FGF14: variants seen among roughly 807,000 people sequenced by gnomAD.
The protein encoded by FGF14 is fibroblast growth factor homologous factor 4.
FGF14 carries 5 observed loss-of-function variants against 25.5 expected under a neutral mutation model. The observed-to-expected ratio is 0.20, with a 90% CI of 0.10 to 0.41. The LOEUF (loss-of-function observed/expected upper bound fraction) is 0.41. Ranked by LOEUF, FGF14 falls within the 10% of genes least tolerant of loss-of-function variation. FGF14 has a pLI of 1.00. For synonymous variants in FGF14, 138 were observed against 118.3 expected (o/e 1.17, Z -1.08); for missense variants, 222 against 320.1 (o/e 0.69, Z 2.34).
At chr13:102,124,850 A>G (rs142055169) in intron 1 of FGF14, among the ~76,000 whole-genome samples, 2 of 152,274 alleles carry the variant, frequency 1.3e-5, no homozygotes, top group Non-Finnish European at 2.9e-5. Flanking sequence ...ACAAAAGCTT[A>G]TGATGGTATA....
chr13:101,818,308 C>T (rs955797265), intron 3 of FGF14, among the ~76,000 whole-genome samples: 3 of 152,172 alleles, frequency 2.0e-5, no homozygotes, highest in Non-Finnish European at 2.9e-5. Context: ...AAATCATTAT[C>T]AACCATACTA....
intron 1 of FGF14, among the ~76,000 whole-genome samples, chr13:102,261,671 A>G (rs1001815134): frequency 2.0e-5 from 3 of 152,210 alleles, no homozygotes; most frequent in Non-Finnish European, 4.4e-5. Flanking sequence ...AAAATACATC[A>G]CACATAAGGA....
chr13:102,050,302 C>T (rs192896721), intron 1 of FGF14, among the ~76,000 whole-genome samples: 2 of 152,182 alleles, frequency 1.3e-5, no homozygotes, highest in East Asian at 3.9e-4. Context: ...ATACATAAAA[C>T]CACCTTGGGG....
intron 1 of FGF14, among the ~76,000 whole-genome samples, chr13:102,055,251 T>C (rs2042379960): frequency 2.0e-5 from 3 of 152,236 alleles, no homozygotes; most frequent in Non-Finnish European, 2.9e-5. Flanking sequence ...TGAGGCTCTT[T>C]TGATTGTCTG....
chr13:102,136,599 A>G, intron 1 of FGF14, among the ~76,000 whole-genome samples: 1 of 151,758 alleles, frequency 6.6e-6, no homozygotes, highest in Non-Finnish European at 1.5e-5. Context: ...TAGTTCTTCT[A>G]GGATCAACAT....
intron 1 of FGF14, among the ~76,000 whole-genome samples, chr13:101,902,858 ATC>A (rs2031745542): frequency 6.6e-6 from 1 of 152,208 alleles, no homozygotes; most frequent in Admixed American, 6.5e-5. Flanking sequence ...TTTAATAAAA[ATC>A]TAATAGCTTT....
intron 1 of FGF14, among the ~76,000 whole-genome samples, chr13:102,161,652 GAAGAAGAAGAAGAAGAAGAAGAA>G (rs1566765274): frequency 5.3e-4 from 9 of 16,954 alleles, no homozygotes; most frequent in African/African-American, 1.3e-3. Flanking sequence ...AGAAGAAGAA[GAAGAAGAAGAAGAAGAAGAAGAA>G]GAAGAAGAAG....
At chr13:102,169,584 A>G (rs2048162849) in intron 1 of FGF14, among the ~76,000 whole-genome samples, 1 of 152,192 alleles carries the variant, frequency 6.6e-6, no homozygotes, top group South Asian at 2.1e-4. Context: ...AAATAATTCA[A>G]TTATTTAAAG....
At chr13:102,275,262 T>TCTCTCTCTCTCTCTCCCTCTC (rs1555391875) in intron 1 of FGF14, among the ~76,000 whole-genome samples, 1 of 68,916 alleles carries the variant, frequency 1.5e-5, no homozygotes. Context: ...CTCTCTCTCT[T>TCTCTCTCTCTCTCTCCCTCTC]TCTCTCTCTC....
chr13:101,800,184 T>G (rs892427538), intron 3 of FGF14, among the ~76,000 whole-genome samples: 1 of 152,144 alleles, frequency 6.6e-6, no homozygotes, highest in African/African-American at 2.4e-5. Context: ...GAAAATTTAT[T>G]TCACTTTCCT....
intron 1 of FGF14, among the ~76,000 whole-genome samples, chr13:102,250,637 A>G (rs1489984848): frequency 6.6e-6 from 1 of 152,222 alleles, no homozygotes; most frequent in African/African-American, 2.4e-5. Flanking sequence ...AAATCCTGCA[A>G]TAAAGAAGCC....
chr13:102,115,253 T>C (rs1315241301), intron 1 of FGF14, among the ~76,000 whole-genome samples: 1 of 152,174 alleles, frequency 6.6e-6, no homozygotes, highest in Non-Finnish European at 1.5e-5. Flanking sequence ...GCTGTCCCCA[T>C]GGTTCTCCTT....
intron 3 of FGF14, among the ~76,000 whole-genome samples, chr13:101,862,269 CTTCTT>C (rs1374962861): frequency 6.6e-6 from 1 of 152,024 alleles, no homozygotes; most frequent in Non-Finnish European, 1.5e-5. Flanking sequence ...TCTCCTTTCT[CTTCTT>C]TTCTCTTTTC....
At chr13:101,998,411 G>T (rs1048859284) in intron 1 of FGF14, among the ~76,000 whole-genome samples, 2 of 152,080 alleles carry the variant, frequency 1.3e-5, no homozygotes, top group Admixed American at 6.5e-5. Context: ...CATGTTATTT[G>T]TCATACAAAC....
upstream of FGF14, among the ~76,000 whole-genome samples, chr13:101,919,693 G>C (rs943699491): frequency 6.6e-6 from 1 of 152,048 alleles, no homozygotes; most frequent in African/African-American, 2.4e-5. Flanking sequence ...GGAGAAAAGC[G>C]CTGGCTGTGA....
chr13:101,832,558 C>G (rs920372323), intron 3 of FGF14, among the ~76,000 whole-genome samples: 2 of 151,932 alleles, frequency 1.3e-5, no homozygotes, highest in African/African-American at 4.8e-5. Context: ...AGACAAGACA[C>G]GATGACCTGC....
At chr13:101,888,320 T>G (rs1481729109) in intron 1 of FGF14, among the ~76,000 whole-genome samples, 1 of 152,196 alleles carries the variant, frequency 6.6e-6, no homozygotes, top group African/African-American at 2.4e-5. Flanking sequence ...AAATAAATGT[T>G]AAAATTTTAA....
intron 1 of FGF14, among the ~76,000 whole-genome samples, chr13:101,900,466 CGTCAA>C (rs2031382397): frequency 1.3e-5 from 2 of 152,098 alleles, no homozygotes; most frequent in Admixed American, 6.6e-5. Context: ...AGGTACAAGT[CGTCAA>C]TCTCAAAAAA....
chr13:102,248,544 A>T (rs1162655508), intron 1 of FGF14, among the ~76,000 whole-genome samples: 1 of 152,044 alleles, frequency 6.6e-6, no homozygotes, highest in Non-Finnish European at 1.5e-5. Context: ...TACCAGTCTG[A>T]CTCAAGCATA....
Sources: gnomAD v4.1 joint callset for allele counts (sites outside exome capture counted in the v4.1 genomes callset) on GRCh38, gnomAD v4.1.1 for gene constraint, MANE v1.5 for transcripts, NCBI Gene and HGNC (gene_info 2026-07-23, HGNC 2026-07-21) for gene names.